The following WNT7B variants were observed in gnomAD, a reference collection of about 807,000 sequenced individuals.
WNT7B encodes protein Wnt-7b.
Under a neutral mutation model 38.2 loss-of-function variants are expected in WNT7B, and 19 were observed. That is an observed-to-expected ratio of 0.50 (90% CI 0.35 to 0.73). WNT7B has a LOEUF of 0.73. WNT7B is among the 30% of genes least tolerant of loss of function. The pLI, the probability that WNT7B is intolerant of heterozygous loss-of-function variation, is 0.01. For missense variants in WNT7B, 423 were observed against 507.9 expected (o/e 0.83, Z 1.61); for synonymous variants, 243 against 209.3 (o/e 1.16, Z -1.39).
chr22:45,929,081 G>A (rs150261417), intron 3 of WNT7B, among the ~76,000 whole-genome samples: 152 of 152,212 alleles, frequency 1.0e-3, no homozygotes, highest in African/African-American at 3.6e-3. Flanking sequence ...CGGGGGTGTG[G>A]GAAAGGCTCT....
At chr22:45,957,703 A>AAAAAAAC (rs1932103331) in intron 1 of WNT7B, among the ~76,000 whole-genome samples, 1 of 146,102 alleles carries the variant, frequency 6.8e-6, no homozygotes, top group African/African-American at 2.6e-5. Context: ...AAAAAAAAAA[A>AAAAAAAC]AAAAAAAAAC....
chr22:45,926,764 A>C (rs142331648), intron 3 of WNT7B: 1 of 985,244 alleles, frequency 1.0e-6, no homozygotes, highest in Admixed American at 6.1e-5. Context: ...TCACCCTCTG[A>C]CCACGAGCCC....
chr22:45,927,484 C>G, intron 3 of WNT7B: 3 of 1,549,942 alleles, frequency 1.9e-6, no homozygotes, highest in Non-Finnish European at 2.6e-6. Flanking sequence ...CTCAGAGCCT[C>G]GGCAAGTGAC....
At chr22:45,925,182 G>C (rs950620550) in intron 3 of WNT7B, 1 of 982,880 alleles carries the variant, frequency 1.0e-6, no homozygotes, top group Non-Finnish European at 1.2e-6. Flanking sequence ...TGGGTGCCGG[G>C]TGGGCCCTAG....
In WNT7B at chr22:45,976,663, C is replaced by T; in HGVS notation, c.71+21G>A. The T allele has an allele frequency of 6.2e-7, 1 of 1,603,628 alleles. No homozygotes were observed. The highest frequency in any genetic ancestry group is 1.7e-4 in the Middle Eastern group (1 of 6,024). On this transcript the variant is annotated intron_variant, in intron 1 of 3. Coordinates refer to ENST00000339464, the MANE Select transcript of WNT7B (RefSeq NM_058238.3). This position sits in a 1 kb window ranked among gnomAD's most constrained non-coding sequence, Gnocchi z 8.5. The stretch of plus-strand genomic sequence containing the variant: ...TGCTGTCTTGGCCCCTGGCTGCTGC[C>T]CTCGCCCACGGGGTACTCACCCGAG...
chr22:45,930,722 T>C (rs1931318584), intron 3 of WNT7B, among the ~76,000 whole-genome samples: 2 of 152,156 alleles, frequency 1.3e-5, no homozygotes, highest in Admixed American at 1.3e-4. Flanking sequence ...TCTTTCCTGG[T>C]GTGCCGAGGT....
intron 3 of WNT7B, among the ~76,000 whole-genome samples, chr22:45,930,863 TGAGCATCGCGTTGGCATTCA>T (rs1181556306): frequency 6.6e-6 from 1 of 152,170 alleles, no homozygotes; most frequent in Admixed American, 6.5e-5. Context: ...CTGGGGGCCG[TGAGCATCGCGTTGGCATTCA>T]GAGCCTCGGC....
At chr22:45,937,327 C>A (rs1374521487) in intron 2 of WNT7B, among the ~76,000 whole-genome samples, 2 of 152,248 alleles carry the variant, frequency 1.3e-5, no homozygotes, top group African/African-American at 4.8e-5. Context: ...GTCTGACACC[C>A]TGCCTTCAAG....
chr22:45,965,256 G>A lies in WNT7B; in HGVS notation c.71+11428C>T, dbSNP rs1932286922. On this transcript the variant is annotated intron_variant, in intron 1 of 3. Coordinates refer to ENST00000339464, the MANE Select transcript of WNT7B (RefSeq NM_058238.3). This position sits in a 1 kb window ranked among gnomAD's most constrained non-coding sequence, Gnocchi z 6.5. ...GGTCAGAGGCTGCCTTACTTGAGAG[G>A]TCTTCCCTGGGCCACCCTCATCACA... Among the ~76,000 whole-genome samples, 1 of 152,180 alleles carries A rather than the reference G, an allele frequency of 6.6e-6. No individual in the cohort carries two copies. The highest frequency in any genetic ancestry group is 1.5e-5 in the Non-Finnish European group (1 of 68,032).
chr22:45,968,020 G>C lies in WNT7B; in HGVS notation c.71+8664C>G, dbSNP rs192034851. Among the ~76,000 whole-genome samples the C allele has an allele frequency of 5.6e-3, 859 of 152,252 alleles. 36 individuals are homozygous for C. The highest frequency in any genetic ancestry group is 0.05 in the Admixed American group (765 of 15,282). On this transcript the variant is annotated intron_variant, in intron 1 of 3. Coordinates refer to ENST00000339464, the MANE Select transcript of WNT7B (RefSeq NM_058238.3). ...AACCCCTGGGATCCAAGGTGACCTT[G>C]GGAAACAGCCTCTTCTCTGGATCCT... is the stretch of plus-strand genomic sequence containing the variant.
At chr22:45,927,356 G>T in intron 3 of WNT7B, 6 of 1,477,730 alleles carry the variant, frequency 4.1e-6, no homozygotes, top group Non-Finnish European at 5.4e-6. Flanking sequence ...TAGAAGTGGG[G>T]GCAGGGCGGG....
chr22:45,959,443 G>A (rs566409092), intron 1 of WNT7B, among the ~76,000 whole-genome samples: 2 of 152,216 alleles, frequency 1.3e-5, no homozygotes, highest in East Asian at 3.9e-4. Context: ...CCTCGAGAGG[G>A]CACAGCTCCC....
Position 45,927,547 on chromosome 22 carries a change from A to C in WNT7B, c.570+3551T>G, listed in dbSNP as rs750636602. 19 of 1,468,122 alleles carry C rather than the reference A, an allele frequency of 1.3e-5. No individual in the cohort carries two copies. In the East Asian group the frequency reaches 3.0e-4, roughly 23 times the overall value. The allele number at this position is 1,468,122 out of a possible 1,614,324, so 90.9% of individuals were successfully genotyped here. A position where few individuals can be genotyped will look rare whatever the true frequency, so the allele number is the denominator to read the frequency against. ...TGTGGTCAAGGAAACAACGGAGAGG[A>C]GGTCACCCTGGGTTGTCCAAGTAGG... On this transcript the variant is annotated intron_variant, in intron 3 of 3. Coordinates refer to ENST00000339464, the MANE Select transcript of WNT7B (RefSeq NM_058238.3).
chr22:45,926,695 C>CTT (rs1413347213), intron 3 of WNT7B: 10 of 980,466 alleles, frequency 1.0e-5, no homozygotes, highest in Non-Finnish European at 1.1e-5. Context: ...CCGGTCCCTG[C>CTT]CCCTAAGTAA....
chr22:45,975,426 C>G lies in WNT7B; in HGVS notation c.71+1258G>C, dbSNP rs1030306342. 3.2e-6 allele frequency: 2 copies of G among 632,372 alleles called. No individual in the cohort carries two copies. The highest frequency in any genetic ancestry group is 5.9e-6 in the Non-Finnish European group (2 of 338,404). 39.2% of individuals were successfully genotyped at this position (632,372 alleles called of 1,614,324 possible). A position where few individuals can be genotyped will look rare whatever the true frequency, so the allele number is the denominator to read the frequency against. On this transcript the variant is annotated intron_variant, in intron 1 of 3. Transcript: ENST00000339464. This position sits in a 1 kb window ranked among gnomAD's most constrained non-coding sequence, Gnocchi z 6.6. ...ACAGACCTATGATAAACGGGGCTAC[C>G]GGCAGCCGCAGACACGCCCGCCCAG...
chr22:45,927,365 G>GGGGC, intron 3 of WNT7B: 4 of 1,487,856 alleles, frequency 2.7e-6, no homozygotes, highest in Non-Finnish European at 3.6e-6. Flanking sequence ...GGGCAGGGCG[G>GGGGC]GGGCGGGCCT....
intron 2 of WNT7B, among the ~76,000 whole-genome samples, chr22:45,934,993 G>T (rs1224083175): frequency 6.6e-6 from 1 of 152,208 alleles, no homozygotes; most frequent in South Asian, 2.1e-4. Flanking sequence ...CCACGGGGGA[G>T]GGCCCGTTAC....
At chr22:45,949,866 C>A in intron 2 of WNT7B, 54 bp downstream of exon 2, 1 of 1,542,602 alleles carries the variant, frequency 6.5e-7, no homozygotes, top group Non-Finnish European at 8.8e-7. Context: ...GGTGGCCTGG[C>A]CTACTGCCCC....
chr22:45,923,136 A>G lies in WNT7B; in HGVS notation c.770T>C (p.Leu257Pro). Residue 257 changes from leucine to proline, a missense_variant, in exon 4 of 4, where the codon CTG becomes CCG. Leu to Pro is a moderately conservative substitution (Grantham distance 98). Around this residue, in one of 3 missense-constraint regions of WNT7B, gnomAD observed 158 missense variants for 214.7 expected, o/e 0.74. Transcript: ENST00000339464. ...CTCCATGGGCTTCTGATAGCTGCGC[A>G]GCTGTTTGATGCGCAGGAAGGTGGG... Reference protein sequence around the residue: ...RQPTFLRIKQLRSYQKPMETD... With the variant: ...RQPTFLRIKQPRSYQKPMETD... 1 of 1,613,664 alleles carries G rather than the reference A, an allele frequency of 6.2e-7. No homozygotes were observed. The highest frequency in any genetic ancestry group is 8.5e-7 in the Non-Finnish European group (1 of 1,180,022).
Sources: gnomAD v4.1 joint callset for allele counts (sites outside exome capture counted in the v4.1 genomes callset) on GRCh38, gnomAD v4.1.1 for gene constraint, gnomAD v4.1.1 regional missense constraint, Gnocchi (gnomAD v3.1) non-coding constraint, MANE v1.5 for transcripts, NCBI Gene and HGNC (gene_info 2026-07-23, HGNC 2026-07-21) for gene names.